Variants in LRP5 observed in about 807,000 individuals in gnomAD.
The protein encoded by LRP5 is low-density lipoprotein receptor-related protein 5.
LRP5 carries 62 observed loss-of-function variants against 154.1 expected under a neutral mutation model. The ratio of observed to expected loss-of-function variants is 0.40; its 90% confidence interval spans 0.33 to 0.50. The LOEUF is 0.50. LRP5 is among the 20% of genes least tolerant of loss of function. The pLI is 0.55. For synonymous variants in LRP5, 966 were observed against 1,011.5 expected (o/e 0.96, Z 0.85); for missense variants, 1,915 against 2,336.7 (o/e 0.82, Z 3.72).
intron 5 of LRP5, among the ~76,000 whole-genome samples, chr11:68,366,866 T>A (rs1275109032): frequency 6.6e-6 from 1 of 152,140 alleles, no homozygotes; most frequent in Non-Finnish European, 1.5e-5. Flanking sequence ...ATTCATTCGT[T>A]CATCCATCCA....
chr11:68,391,404 C>G (rs982193592), intron 7 of LRP5, among the ~76,000 whole-genome samples: 1 of 152,252 alleles, frequency 6.6e-6, no homozygotes, highest in African/African-American at 2.4e-5. Flanking sequence ...CCAGCAACTT[C>G]TGAAGGATTT....
At chr11:68,389,806 C>A in intron 6 of LRP5, 75 bp from the exon 7 acceptor site, 1 of 1,525,002 alleles carries the variant, frequency 6.6e-7, no homozygotes, top group Non-Finnish European at 9.1e-7. Flanking sequence ...TGGGGGCAGG[C>A]CTTGCTCTTG....
intron 1 of LRP5, among the ~76,000 whole-genome samples, chr11:68,322,916 C>T (rs967207228): frequency 4.2e-4 from 64 of 152,350 alleles, no homozygotes; most frequent in Middle Eastern, 3.4e-3. Flanking sequence ...TGTGAAGTCC[C>T]GGGTCCACGT....
intron 5 of LRP5, among the ~76,000 whole-genome samples, chr11:68,378,499 C>T (rs1330332171): frequency 2.5e-5 from 2 of 78,512 alleles, no homozygotes; most frequent in Non-Finnish European, 5.1e-5. Context: ...GGAAGAGGAC[C>T]CTGTCCCCGG....
At chr11:68,404,383 G>T (rs991925998) in intron 8 of LRP5, 3 of 518,952 alleles carry the variant, frequency 5.8e-6, no homozygotes, top group Non-Finnish European at 1.1e-5. Context: ...GACAGAGGAC[G>T]TGATGCTTGC....
chr11:68,446,531 C>T lies in LRP5; in HGVS notation c.4584C>T (p.Tyr1528=), dbSNP rs1269651375. The T allele has an allele frequency of 6.2e-7, 1 of 1,612,946 alleles. No homozygotes were observed. The highest frequency in any genetic ancestry group is 1.1e-5 in the South Asian group (1 of 91,070). Residue 1528 remains tyrosine, a splice_region_variant and synonymous_variant, in exon 22 of 23, where the codon TAC becomes TAT. Coordinates refer to ENST00000294304, the MANE Select transcript of LRP5 (RefSeq NM_002335.4). The stretch of plus-strand genomic sequence containing the variant: ...ACATTCCGGCCACTGCGAGACCGTA[C>T]AGGTAGGACATCCCCTGCAGCCCTC... ...SSNIPATARP[Y]RPYIIRGMAP...
chr11:68,407,536 T>C (rs1041596861), intron 9 of LRP5, among the ~76,000 whole-genome samples: 3 of 150,966 alleles, frequency 2.0e-5, no homozygotes, highest in African/African-American at 7.3e-5. Flanking sequence ...GCCTTCTGAT[T>C]CTGTAAAGAA....
rs560826688 is a variant in LRP5, at chr11:68,425,269, G to A, written c.3404G>A (p.Arg1135His). ...TTCTGGGTGGACGCGGACCTGAAGC[G>A]CATTGAGAGCTGTGACCTGTCAGGT... Reference protein sequence around the residue: ...KLFWVDADLKRIESCDLSGAN... With the variant: ...KLFWVDADLKHIESCDLSGAN... Residue 1135 changes from arginine (R) to histidine (H), a missense_variant, in exon 15 of 23, where the codon CGC becomes CAC. Arg to His is a conservative substitution (Grantham distance 29). Around this residue, in one of 3 missense-constraint regions of LRP5, gnomAD observed 1,094 missense variants for 1,210.1 expected, o/e 0.90. Coordinates refer to ENST00000294304, the MANE Select transcript of LRP5 (RefSeq NM_002335.4). 4.7e-5 allele frequency: 76 copies of A among 1,609,712 alleles called. No homozygotes were observed. Among genetic ancestry groups the A allele is most frequent in the Middle Eastern group, 1.7e-4 (1 of 5,720 alleles).
chr11:68,323,990 C>T (rs2098598227), intron 1 of LRP5, among the ~76,000 whole-genome samples: 1 of 152,232 alleles, frequency 6.6e-6, no homozygotes, highest in Non-Finnish European at 1.5e-5. Context: ...ACAGTCCTTG[C>T]CTCGTAGACT....
chr11:68,351,337 C>T (rs750556136), intron 2 of LRP5, among the ~76,000 whole-genome samples: 21 of 152,100 alleles, frequency 1.4e-4, no homozygotes, highest in Admixed American at 3.9e-4. Flanking sequence ...GCCTCTGTTC[C>T]GCTTGGTGAA....
At chr11:68,411,387 C>T (rs781000459) in intron 10 of LRP5, 49 bp from the exon 11 acceptor site, 11 of 1,590,442 alleles carry the variant, frequency 6.9e-6, no homozygotes, top group African/African-American at 1.3e-5. Context: ...CACTGTCCTG[C>T]GGTGAGAGCA....
At chr11:68,432,444 T>C (rs1196138603) in intron 17 of LRP5, among the ~76,000 whole-genome samples, 2 of 152,150 alleles carry the variant, frequency 1.3e-5, no homozygotes, top group Non-Finnish European at 2.9e-5. Flanking sequence ...GCTGCTTCCT[T>C]TTATTACCCT....
At chr11:68,363,986 G>A (rs771137805) in intron 4 of LRP5, 43 bp downstream of exon 4, 15 of 948,944 alleles carry the variant, frequency 1.6e-5, no homozygotes, top group Non-Finnish European at 2.1e-5. Context: ...GCGGGGGCTG[G>A]GGGGAGCGGG....
rs371950116 is a variant in LRP5 at position 68,390,979 on chromosome 11, ATTGT to A, written c.1584+934_1584+937del. On this transcript the variant is annotated intron_variant, in intron 7 of 22. Transcript: ENST00000294304. ...GTTTGTTTTTGTTTGATTTTGTTTGATTGTTTGTTTTTGTTGTCGTTGTTGTTGC... is the reference window on the plus strand; with the variant it reads ...GTTTGTTTTTGTTTGATTTTGTTTGATTGTTTTTGTTGTCGTTGTTGTTGC... 4.6e-5 allele frequency among the ~76,000 whole-genome samples: 7 copies of A among 151,824 alleles called. No individual in the cohort carries two copies. The South Asian group carries it at 6.2e-4, about 14-fold the overall frequency.
At chr11:68,378,543 C>T (rs1043856624) in intron 5 of LRP5, among the ~76,000 whole-genome samples, 5 of 152,078 alleles carry the variant, frequency 3.3e-5, no homozygotes, top group South Asian at 4.2e-4. Flanking sequence ...CCTTAGAGAC[C>T]GAGAGCCTCT....
At chr11:68,446,581 C>A in intron 22 of LRP5, 48 bp downstream of exon 22, 1 of 1,504,500 alleles carries the variant, frequency 6.6e-7, no homozygotes, top group Non-Finnish European at 9.2e-7. Context: ...TCCCGCCAGC[C>A]CGTGGTGGAG....
chr11:68,348,044 G>T lies in LRP5; in HGVS notation c.289G>T (p.Ala97Ser), dbSNP rs938915333. 31 of 1,614,014 alleles carry T rather than the reference G, an allele frequency of 1.9e-5. No homozygotes were observed. The highest frequency in any genetic ancestry group is 2.4e-5 in the Non-Finnish European group (28 of 1,180,048). Residue 97 changes from alanine to serine, a missense_variant, in exon 2 of 23, where the codon GCC (alanine) becomes TCC (serine). By Grantham distance (99) the Ala-to-Ser change is moderately conservative. Transcript: ENST00000294304. ...IKQTYLNQTG[A>S]AVQNVVISGL... The stretch of plus-strand genomic sequence containing the variant: ...GCAGACCTACCTGAACCAGACGGGG[G>T]CCGCCGTGCAGAACGTGGTCATCTC...
At chr11:68,351,975 G>A (rs1285694549) in intron 2 of LRP5, among the ~76,000 whole-genome samples, 14 of 152,122 alleles carry the variant, frequency 9.2e-5, no homozygotes. Context: ...CTGTTTGAGG[G>A]GCTGTAGCAG....
At chr11:68,420,514 G>C (rs2098664941) in intron 13 of LRP5, among the ~76,000 whole-genome samples, 1 of 152,048 alleles carries the variant, frequency 6.6e-6, no homozygotes, top group South Asian at 2.1e-4. Flanking sequence ...AGACCAGCCT[G>C]GCCAACATAG....
Sources: allele counts gnomAD v4.1 joint callset (sites outside exome capture counted in the v4.1 genomes callset), GRCh38; gene constraint gnomAD v4.1.1; regional missense constraint gnomAD v4.1.1; transcripts MANE v1.5; gene names NCBI Gene and HGNC (gene_info 2026-07-23, HGNC 2026-07-21).